The following THSD4 variants were observed in gnomAD, a reference collection of about 807,000 sequenced individuals.
The protein encoded by THSD4 is thrombospondin type-1 domain-containing protein 4.
THSD4 carries 69 observed loss-of-function variants against 119.0 expected under a neutral mutation model. The observed-to-expected ratio is 0.58, with a 90% CI of 0.48 to 0.71. THSD4 has a LOEUF of 0.71. Ranked by LOEUF, THSD4 falls within the 30% of genes least tolerant of loss-of-function variation. The probability of loss-of-function intolerance (pLI) is 0.00; values close to 1 mark genes in which losing one functional copy is unlikely to be tolerated. For missense variants in THSD4, 1,393 were observed against 1,391.1 expected (o/e 1.00, Z -0.02); for synonymous variants, 524 against 540.4 (o/e 0.97, Z 0.42).
chr15:71,110,800 G>A (rs2141343875), upstream of THSD4: 1 of 281,328 alleles, frequency 3.6e-6, no homozygotes, highest in Non-Finnish European at 6.7e-6. Flanking sequence ...TTGACTTTGG[G>A]TGACTTTTCT....
chr15:71,556,002 T>C (rs1166585808), intron 7 of THSD4, among the ~76,000 whole-genome samples: 1 of 152,222 alleles, frequency 6.6e-6, no homozygotes, highest in African/African-American at 2.4e-5. Context: ...ATTTGCTCCA[T>C]TGGACATTTC....
chr15:71,465,548 G>A (rs1446580337), intron 7 of THSD4, among the ~76,000 whole-genome samples: 2 of 152,190 alleles, frequency 1.3e-5, no homozygotes, highest in Non-Finnish European at 2.9e-5. Context: ...GAGCCCAAAG[G>A]AAAGAGGATC....
intron 7 of THSD4, among the ~76,000 whole-genome samples, chr15:71,577,871 C>T (rs567394750): frequency 6.6e-6 from 1 of 151,552 alleles, no homozygotes; most frequent in Admixed American, 6.6e-5. Flanking sequence ...CTGGCGCCCA[C>T]CATGCCTGGC....
At chr15:71,425,096 T>C (rs1212795147) in intron 7 of THSD4, among the ~76,000 whole-genome samples, 1 of 152,094 alleles carries the variant, frequency 6.6e-6, no homozygotes. Flanking sequence ...TTTGAAATCA[T>C]AGGGGAGGAA....
chr15:71,415,852 A>C (rs1596416872), intron 7 of THSD4, among the ~76,000 whole-genome samples: 2 of 152,202 alleles, frequency 1.3e-5, no homozygotes, highest in East Asian at 3.8e-4. Flanking sequence ...GTTGAAGTGC[A>C]GTGCTGCAAT....
chr15:71,275,974 A>G (rs1001191362), intron 6 of THSD4, among the ~76,000 whole-genome samples: 6 of 152,248 alleles, frequency 3.9e-5, no homozygotes, highest in African/African-American at 1.4e-4. Context: ...AGTTTCTATC[A>G]GCAGCATGAG....
At chr15:71,184,024 A>G (rs1165708464) in intron 3 of THSD4, 1 of 151,804 alleles carries the variant, frequency 6.6e-6, no homozygotes, top group Non-Finnish European at 1.5e-5. Flanking sequence ...CCTGCATTCT[A>G]AGGTGGCTGC....
chr15:71,372,691 G>A (rs1011158918), intron 6 of THSD4, among the ~76,000 whole-genome samples: 1 of 152,162 alleles, frequency 6.6e-6, no homozygotes, highest in Non-Finnish European at 1.5e-5. Context: ...GCCCCTACCG[G>A]GGGGTGCCTC....
chr15:71,504,767 T>C (rs2048163676), intron 7 of THSD4, among the ~76,000 whole-genome samples: 2 of 152,210 alleles, frequency 1.3e-5, no homozygotes, highest in Admixed American at 6.5e-5. Flanking sequence ...TACGTTACTA[T>C]TAACTAAATT....
chr15:71,447,772 AGAGG>A (rs1359589837), intron 7 of THSD4, among the ~76,000 whole-genome samples: 1 of 152,194 alleles, frequency 6.6e-6, no homozygotes, highest in Non-Finnish European at 1.5e-5. Context: ...GAACAACTCC[AGAGG>A]AAGAGGTCCT....
chr15:71,330,664 C>T (rs986915712), intron 6 of THSD4, among the ~76,000 whole-genome samples: 8 of 152,272 alleles, frequency 5.3e-5, no homozygotes, highest in East Asian at 1.9e-4. Context: ...TAACTGTTAG[C>T]GCTTTCCTTC....
At chr15:71,668,874 T>A (rs935757307) in intron 8 of THSD4, among the ~76,000 whole-genome samples, 5 of 152,236 alleles carry the variant, frequency 3.3e-5, no homozygotes, top group African/African-American at 4.8e-5. Context: ...AGGCCCAAGA[T>A]AAATAACTGG....
At position 71,322,017 on chromosome 15, in the gene THSD4, A is replaced by G. The variant is rs1011819132; in HGVS notation, c.1015+65302A>G. ...AAATGTAGAACTGAGTAAAATGATC[A>G]CATGGACTTAAAAAAAAAAAAGTGG... On this transcript the variant is annotated intron_variant, in intron 6 of 17. Coordinates refer to ENST00000261862, the MANE Select transcript of THSD4 (RefSeq NM_024817.3). Among the ~76,000 whole-genome samples the G allele has an allele frequency of 3.6e-4, 55 of 152,084 alleles. 1 individual carries two copies. Among genetic ancestry groups the G allele is most frequent in the African/African-American group, 1.3e-3 (54 of 41,546 alleles).
chr15:71,274,761 A>C (rs934605437), intron 6 of THSD4, among the ~76,000 whole-genome samples: 1 of 152,152 alleles, frequency 6.6e-6, no homozygotes, highest in Non-Finnish European at 1.5e-5. Flanking sequence ...TTGAGGGAGA[A>C]AATTGCCTCT....
intron 10 of THSD4, among the ~76,000 whole-genome samples, chr15:71,734,469 G>T (rs868337594): frequency 4.6e-5 from 7 of 152,116 alleles, no homozygotes; most frequent in African/African-American, 1.4e-4. Context: ...ACAGTAAAAA[G>T]GTCAGTGGTT....
At chr15:71,251,516 C>G (rs1007874639) in intron 5 of THSD4, among the ~76,000 whole-genome samples, 1 of 152,182 alleles carries the variant, frequency 6.6e-6, no homozygotes, top group Non-Finnish European at 1.5e-5. Flanking sequence ...CAGCCACTTT[C>G]TCATGGCAGT....
chr15:71,627,370 G>T (rs1011920731), intron 7 of THSD4, among the ~76,000 whole-genome samples: 1 of 152,208 alleles, frequency 6.6e-6, no homozygotes, highest in African/African-American at 2.4e-5. Flanking sequence ...TTTGATCAGT[G>T]ACTTGAGCCC....
intron 6 of THSD4, among the ~76,000 whole-genome samples, chr15:71,395,386 T>C (rs1403330920): frequency 2.0e-5 from 3 of 152,184 alleles, no homozygotes; most frequent in African/African-American, 7.2e-5. Flanking sequence ...GTGCTAAGCA[T>C]GGCAGCTCAC....
rs373621619 is a variant in THSD4 at position 71,581,120 on chromosome 15, C to T, written c.1153-79410C>T. Among the ~76,000 whole-genome samples, 278 of 152,212 alleles carry T rather than the reference C, an allele frequency of 1.8e-3. 16 individuals are homozygous for T. In the South Asian group the frequency reaches 0.055, roughly 30 times the overall value. On this transcript the variant is annotated intron_variant, in intron 7 of 17. Coordinates refer to ENST00000261862, the MANE Select transcript of THSD4 (RefSeq NM_024817.3). ...TTATAAGGTCATTCTATTTTTAATG[C>T]TATGAAGAGCCTGTATACTGTTTTC...
Sources: allele counts gnomAD v4.1 joint callset (sites outside exome capture counted in the v4.1 genomes callset), GRCh38; gene constraint gnomAD v4.1.1; transcripts MANE v1.5; gene names NCBI Gene and HGNC (gene_info 2026-07-23, HGNC 2026-07-21).